Variants in CREB3L1 observed in about 807,000 individuals in gnomAD.
The protein encoded by CREB3L1 is cyclic AMP-responsive element-binding protein 3-like protein 1.
A neutral mutation model predicts 54.5 loss-of-function variants in CREB3L1; 33 were observed. The observed-to-expected ratio is 0.61, with a 90% confidence interval of 0.46 to 0.81. The LOEUF (loss-of-function observed/expected upper bound fraction) is 0.81. Ranked by LOEUF, CREB3L1 falls within the 30% of genes least tolerant of loss-of-function variation. CREB3L1 has a pLI of 0.00. For missense variants in CREB3L1, 656 were observed against 673.3 expected (o/e 0.97, Z 0.29); for synonymous variants, 284 against 286.4 (o/e 0.99, Z 0.08).
intron 2 of CREB3L1, among the ~76,000 whole-genome samples, chr11:46,302,471 G>A (rs916114630): frequency 1.3e-5 from 2 of 152,106 alleles, no homozygotes; most frequent in Admixed American, 1.3e-4. Context: ...AAATACAGGT[G>A]GTCCTGGCTC....
intron 10 of CREB3L1, among the ~76,000 whole-genome samples, chr11:46,319,888 A>G (rs1939621204): frequency 6.6e-6 from 1 of 151,808 alleles, no homozygotes; most frequent in South Asian, 2.1e-4. Context: ...CAAAAAAAAA[A>G]AAAAGGGAGA....
intron 5 of CREB3L1, among the ~76,000 whole-genome samples, chr11:46,311,429 G>A (rs1031073040): frequency 6.6e-6 from 1 of 152,096 alleles, no homozygotes; most frequent in African/African-American, 2.4e-5. Context: ...TGCCTCCCAG[G>A]TTCAAGCAAT....
In CREB3L1 at chr11:46,278,732, C is replaced by T. The variant is rs1240595773; in HGVS notation, c.102+519C>T. ...CCCCAGGGAATCAGGCCCAGAGACC[C>T]CCCACCCCAGGGAGGGACCTGAGGC... On this transcript the variant is annotated intron_variant, in intron 1 of 11. Coordinates refer to ENST00000621158, the MANE Select transcript of CREB3L1 (RefSeq NM_052854.4). The surrounding 1 kb of genome is among the most constrained non-coding windows in gnomAD (Gnocchi z 4.2). Among the ~76,000 whole-genome samples, 1 of 152,144 alleles carries T rather than the reference C, an allele frequency of 6.6e-6. No homozygotes were observed. The highest frequency in any genetic ancestry group is 2.4e-5 in the African/African-American group (1 of 41,446).
intron 1 of CREB3L1, among the ~76,000 whole-genome samples, chr11:46,290,631 T>C (rs1028862831): frequency 6.6e-6 from 1 of 151,544 alleles, no homozygotes; most frequent in Non-Finnish European, 1.5e-5. Flanking sequence ...GGGGAAGGGC[T>C]CCTGCCTCTG....
rs1468191753 is a variant in CREB3L1, at chr11:46,277,909, C to T, written c.-203C>T. 1 of 387,828 alleles carries T rather than the reference C, an allele frequency of 2.6e-6. No homozygotes were observed. The highest frequency in any genetic ancestry group is 2.1e-5 in the African/African-American group (1 of 47,790). The allele number at this position is 387,828 out of a possible 1,614,324, so 24.0% of individuals were successfully genotyped here. On this transcript the variant is annotated 5_prime_UTR_variant, in exon 1 of 12. Coordinates refer to ENST00000621158, the MANE Select transcript of CREB3L1 (RefSeq NM_052854.4). Reference sequence around the variant, plus strand: ...CCGGGGCCCCTGAGCCCATCCCGCTCCTAGCCGCTGCCCTAAGGCCCCCGC... The same window carrying T: ...CCGGGGCCCCTGAGCCCATCCCGCTTCTAGCCGCTGCCCTAAGGCCCCCGC...
intron 1 of CREB3L1, among the ~76,000 whole-genome samples, chr11:46,283,737 TCCAGG>T (rs1400118758): frequency 6.6e-6 from 1 of 151,802 alleles, no homozygotes; most frequent in Non-Finnish European, 1.5e-5. Context: ...AAATAAATTA[TCCAGG>T]CATGGTGGCA....
At chr11:46,304,227 C>T (rs1226735599) in intron 2 of CREB3L1, among the ~76,000 whole-genome samples, 1 of 152,198 alleles carries the variant, frequency 6.6e-6, no homozygotes, top group Non-Finnish European at 1.5e-5. Context: ...AATCCCAGCA[C>T]TTTGGTAGGC....
chr11:46,293,380 CAGCG>C (rs1356127127), intron 1 of CREB3L1, among the ~76,000 whole-genome samples: 3 of 152,204 alleles, frequency 2.0e-5, no homozygotes, highest in African/African-American at 7.2e-5. Context: ...GGTTGGACCA[CAGCG>C]CATGGGCTGC....
Position 46,321,041 on chromosome 11 carries a change from C to G in CREB3L1, c.*295C>G, listed in dbSNP as rs1219970262. 3 of 599,350 alleles carry G rather than the reference C, an allele frequency of 5.0e-6. No individual in the cohort carries two copies. Among genetic ancestry groups the G allele is most frequent in the Non-Finnish European group, 3.1e-6 (1 of 326,244 alleles). The allele number at this position is 599,350 out of a possible 1,614,324, so 37.1% of individuals were successfully genotyped here. A position where few individuals can be genotyped will look rare whatever the true frequency, so the allele number is the denominator to read the frequency against. On this transcript the variant is annotated 3_prime_UTR_variant, in exon 12 of 12. Transcript: ENST00000621158. ...AACACGACCACTGCCTCCCTGCCCCCACACCTGCACCCAAACAGACACATC... is the reference window on the plus strand; with the variant it reads ...AACACGACCACTGCCTCCCTGCCCCGACACCTGCACCCAAACAGACACATC...
intron 2 of CREB3L1, among the ~76,000 whole-genome samples, chr11:46,305,593 T>TAC (rs201405130): frequency 0.031 from 4,628 of 148,298 alleles, 116 homozygotes; most frequent in African/African-American, 0.062. Flanking sequence ...TATGTATATA[T>TAC]ACACACACAT....
intron 4 of CREB3L1, 191 bp from the exon 5 acceptor site, chr11:46,310,841 T>C (rs1469978477): frequency 5.4e-6 from 4 of 743,524 alleles, no homozygotes; most frequent in Non-Finnish European, 5.9e-6. Flanking sequence ...ACCCAGGAAT[T>C]GGCTACCCAG....
rs1938917639 is a variant in CREB3L1, at chr11:46,278,644, G to A, written c.102+431G>A. Among the ~76,000 whole-genome samples, 1 of 152,228 alleles carries A rather than the reference G, an allele frequency of 6.6e-6. No individual in the cohort carries two copies. Among genetic ancestry groups the A allele is most frequent in the Non-Finnish European group, 1.5e-5 (1 of 68,040 alleles). ...GGGGGCGCACCGGGGAACGTTCAGA[G>A]GGCCTGAGACCCGACCCCTCGGGGA... On this transcript the variant is annotated intron_variant, in intron 1 of 11. Coordinates refer to ENST00000621158, the MANE Select transcript of CREB3L1 (RefSeq NM_052854.4). This position sits in a 1 kb window ranked among gnomAD's most constrained non-coding sequence, Gnocchi z 4.2.
At chr11:46,297,247 A>G (rs1330577466) in intron 1 of CREB3L1, among the ~76,000 whole-genome samples, 1 of 152,130 alleles carries the variant, frequency 6.6e-6, no homozygotes, top group Non-Finnish European at 1.5e-5. Context: ...GGGTGGTTAT[A>G]CCCTGTAAAT....
chr11:46,320,494 G>A lies in CREB3L1; in HGVS notation c.1489G>A (p.Asp497Asn), dbSNP rs745959450. 5.2e-5 allele frequency: 82 copies of A among 1,587,058 alleles called. No individual in the cohort carries two copies. Among genetic ancestry groups the A allele is most frequent in the African/African-American group, 1.1e-4 (8 of 72,994 alleles). ...PKDGGNGTSP[D>N]FSHSKEWFHD... ...AGACGGTGGAAACGGCACCAGCCCC[G>A]ACTTCTCCCACTCCAAGGAGTGGTT... is the stretch of plus-strand genomic sequence containing the variant. Residue 497 changes from aspartate (D) to asparagine (N), a missense_variant, in exon 11 of 12, where the codon GAC becomes AAC. Coordinates refer to ENST00000621158, the MANE Select transcript of CREB3L1 (RefSeq NM_052854.4).
At chr11:46,315,357 G>A (rs914514719) in intron 8 of CREB3L1, 2 of 216,054 alleles carry the variant, frequency 9.3e-6, no homozygotes, top group Admixed American at 1.2e-4. Flanking sequence ...TGCCCGTTTG[G>A]GTGGAGAGAG....
intron 2 of CREB3L1, among the ~76,000 whole-genome samples, chr11:46,304,534 G>A (rs1317268798): frequency 6.6e-6 from 1 of 152,134 alleles, no homozygotes; most frequent in East Asian, 1.9e-4. Context: ...AGCGCAAGAA[G>A]TGTGAGCTGC....
At chr11:46,299,466 T>C (rs1939260580) in intron 1 of CREB3L1, among the ~76,000 whole-genome samples, 1 of 152,208 alleles carries the variant, frequency 6.6e-6, no homozygotes, top group Admixed American at 6.5e-5. Context: ...CAAAATTCAC[T>C]AATATTGCCT....
intron 1 of CREB3L1, among the ~76,000 whole-genome samples, chr11:46,291,403 C>T (rs927016236): frequency 5.9e-5 from 9 of 152,130 alleles, no homozygotes; most frequent in Admixed American, 5.2e-4. Context: ...TGGATATGAA[C>T]GTTCCCATTT....
intron 1 of CREB3L1, among the ~76,000 whole-genome samples, chr11:46,287,344 G>A (rs913458958): frequency 3.3e-5 from 5 of 152,070 alleles, no homozygotes; most frequent in African/African-American, 1.2e-4. Flanking sequence ...TGTTGCCCAG[G>A]CTGGAGTGTA....
Sources: gnomAD v4.1 joint callset for allele counts (sites outside exome capture counted in the v4.1 genomes callset) on GRCh38, gnomAD v4.1.1 for gene constraint, Gnocchi (gnomAD v3.1) non-coding constraint, MANE v1.5 for transcripts, NCBI Gene and HGNC (gene_info 2026-07-23, HGNC 2026-07-21) for gene names.